CAMK2D: variants seen among roughly 807,000 people sequenced by gnomAD.
CAMK2D encodes calcium/calmodulin-dependent protein kinase type II subunit delta.
A neutral mutation model predicts 84.0 loss-of-function variants in CAMK2D; 37 were observed. The observed-to-expected ratio is 0.44, with a 90% CI of 0.34 to 0.58. The LOEUF (loss-of-function observed/expected upper bound fraction) is 0.58, where lower values mean the gene tolerates loss of function less well. Among genes scored for constraint, CAMK2D ranks in the 20% least tolerant of loss-of-function variants. The probability of loss-of-function intolerance (pLI) is 0.02; values close to 1 mark genes in which losing one functional copy is unlikely to be tolerated. For missense variants in CAMK2D, 448 were observed against 652.5 expected, an observed-to-expected ratio of 0.69 and a Z score of 3.41; for synonymous variants, 202 against 212.5, an observed-to-expected ratio of 0.95 and a Z score of 0.43.
intron 2 of CAMK2D, among the ~76,000 whole-genome samples, chr4:113,685,260 A>G (rs1256047651): frequency 1.4e-5 from 2 of 146,160 alleles, no homozygotes; most frequent in Admixed American, 1.4e-4. Context: ...TTTTTTTTAG[A>G]CAAGGTCTTA....
At chr4:113,458,392 G>A (rs1524998) in intron 18 of CAMK2D, among the ~76,000 whole-genome samples, 99,665 of 152,026 alleles carry the variant, frequency 0.66, 34,136 homozygotes, top group African/African-American at 0.86. Flanking sequence ...AATTGTTTTT[G>A]GCTATTATCC....
At chr4:113,750,394 C>T (rs1468429699) in intron 2 of CAMK2D, among the ~76,000 whole-genome samples, 3 of 152,114 alleles carry the variant, frequency 2.0e-5, no homozygotes, top group Non-Finnish European at 4.4e-5. Context: ...CTAATTTATT[C>T]AAAATACAAC....
intron 2 of CAMK2D, among the ~76,000 whole-genome samples, chr4:113,686,316 C>T (rs1420701798): frequency 2.0e-5 from 3 of 152,134 alleles, no homozygotes; most frequent in Admixed American, 6.5e-5. Flanking sequence ...AGTGCCTGTA[C>T]TTTTTCTCAA....
intron 2 of CAMK2D, chr4:113,754,593 G>C (rs945777848): frequency 3.1e-6 from 3 of 982,538 alleles, no homozygotes; most frequent in Non-Finnish European, 3.6e-6. Context: ...TAATATCACA[G>C]TATGGCACCT....
At chr4:113,666,673 C>T (rs527999683) in intron 2 of CAMK2D, among the ~76,000 whole-genome samples, 6 of 152,014 alleles carry the variant, frequency 3.9e-5, no homozygotes, top group Non-Finnish European at 8.8e-5. Flanking sequence ...TTGCCATGGC[C>T]GAGAAGGTTT....
intron 6 of CAMK2D, among the ~76,000 whole-genome samples, chr4:113,546,382 T>C (rs1309709140): frequency 6.6e-6 from 1 of 152,222 alleles, no homozygotes; most frequent in Non-Finnish European, 1.5e-5. Context: ...TTAGCAGATA[T>C]ACAGTCCGAT....
chr4:113,589,730 C>T (rs1195158944), intron 4 of CAMK2D, among the ~76,000 whole-genome samples: 5 of 152,108 alleles, frequency 3.3e-5, no homozygotes, highest in African/African-American at 7.2e-5. Context: ...ACAGAATGCG[C>T]AAGTCTGGAG....
intron 16 of CAMK2D, among the ~76,000 whole-genome samples, chr4:113,485,604 G>A (rs1319683818): frequency 6.6e-6 from 1 of 152,130 alleles, no homozygotes; most frequent in African/African-American, 2.4e-5. Context: ...ATATGCCACA[G>A]AATCACCAGA....
At chr4:113,755,147 C>A in intron 2 of CAMK2D, 1 of 723,294 alleles carries the variant, frequency 1.4e-6, no homozygotes, top group Non-Finnish European at 1.7e-6. Context: ...ATCCCTTTTA[C>A]AACATCAAAA....
At chr4:113,486,106 G>A (rs757266768) in intron 16 of CAMK2D, among the ~76,000 whole-genome samples, 21 of 151,542 alleles carry the variant, frequency 1.4e-4, no homozygotes, top group Non-Finnish European at 2.7e-4. Flanking sequence ...TCACAAAAAA[G>A]AGATTAAGTA....
At chr4:113,709,746 GATATATATATATATATATATATATAT>G (rs397995032) in intron 2 of CAMK2D, among the ~76,000 whole-genome samples, 6 of 49,804 alleles carry the variant, frequency 1.2e-4, no homozygotes, top group Middle Eastern at 9.6e-3. Flanking sequence ...AGCCGTGAAC[GATATATATATATATATATATATATAT>G]ATATATATAT....
intron 5 of CAMK2D, among the ~76,000 whole-genome samples, chr4:113,549,046 A>G (rs1462610637): frequency 6.6e-6 from 1 of 152,210 alleles, no homozygotes; most frequent in Non-Finnish European, 1.5e-5. Context: ...AGAAAAATTT[A>G]TAAAGAATTC....
chr4:113,538,280 A>G (rs758887748), intron 6 of CAMK2D, among the ~76,000 whole-genome samples: 5 of 152,174 alleles, frequency 3.3e-5, no homozygotes, highest in Non-Finnish European at 5.9e-5. Flanking sequence ...CTGTTTCCCA[A>G]CCAATGCATC....
intron 4 of CAMK2D, among the ~76,000 whole-genome samples, chr4:113,571,889 C>T (rs893404384): frequency 2.6e-4 from 39 of 152,104 alleles, no homozygotes; most frequent in African/African-American, 8.4e-4. Flanking sequence ...ATACAGACTG[C>T]ACTAGAGAAG....
At chr4:113,482,509 A>T (rs2097712755) in intron 16 of CAMK2D, among the ~76,000 whole-genome samples, 1 of 152,242 alleles carries the variant, frequency 6.6e-6, no homozygotes, top group Non-Finnish European at 1.5e-5. Context: ...CATACTATAC[A>T]GGAGTATTGC....
intron 15 of CAMK2D, among the ~76,000 whole-genome samples, chr4:113,502,427 C>T (rs191080953): frequency 2.4e-4 from 33 of 140,342 alleles, no homozygotes; most frequent in Admixed American, 2.2e-3. Flanking sequence ...ATAACAACAT[C>T]ATCACCAACA....
At chr4:113,479,333 A>G (rs2097670436) in intron 16 of CAMK2D, among the ~76,000 whole-genome samples, 1 of 152,208 alleles carries the variant, frequency 6.6e-6, no homozygotes, top group African/African-American at 2.4e-5. Context: ...ACACAGGCAA[A>G]ATTGAGCCAA....
At chr4:113,547,581 A>G in intron 6 of CAMK2D, 63 bp downstream of exon 6, 1 of 1,076,568 alleles carries the variant, frequency 9.3e-7, no homozygotes, top group Middle Eastern at 2.2e-4. Context: ...TACAGGCATA[A>G]TTGCAGCTGA....
intron 16 of CAMK2D, among the ~76,000 whole-genome samples, chr4:113,482,555 T>A (rs2097713602): frequency 6.6e-6 from 1 of 152,218 alleles, no homozygotes; most frequent in South Asian, 2.1e-4. Flanking sequence ...GCACTGATAG[T>A]ACTATGGAAG....
Sources: allele counts gnomAD v4.1 joint callset (sites outside exome capture counted in the v4.1 genomes callset), GRCh38; gene constraint gnomAD v4.1.1; transcripts MANE v1.5; gene names NCBI Gene and HGNC (gene_info 2026-07-23, HGNC 2026-07-21).